Variants in CCDC138 observed in about 807,000 individuals in gnomAD.
CCDC138 encodes coiled-coil domain containing 138.
CCDC138 carries 66 observed loss-of-function variants against 82.3 expected under a neutral mutation model. The ratio of observed to expected loss-of-function variants is 0.80; its 90% CI spans 0.66 to 0.98. The LOEUF (loss-of-function observed/expected upper bound fraction) is 0.98, where lower values mean the gene tolerates loss of function less well. Ranked by LOEUF, CCDC138 falls within the 50% of genes least tolerant of loss-of-function variation. CCDC138 has a pLI of 0.00. For missense variants in CCDC138, 816 were observed against 758.9 expected (o/e 1.08, Z -0.88); for synonymous variants, 297 against 265.4 (o/e 1.12, Z -1.16).
downstream of CCDC138, among the ~76,000 whole-genome samples, chr2:108,877,582 C>G (rs995388278): frequency 1.6e-5 from 2 of 126,784 alleles, no homozygotes; most frequent in African/African-American, 2.6e-5. Flanking sequence ...AAAGGTGTCT[C>G]GGAACTCAGA....
At chr2:108,819,861 G>C (rs1016348188) in intron 10 of CCDC138, among the ~76,000 whole-genome samples, 2 of 81,822 alleles carry the variant, frequency 2.4e-5, no homozygotes, top group African/African-American at 5.4e-5. Flanking sequence ...AAGAAATGCA[G>C]ATCTCTGAAC....
At chr2:108,840,235 A>T (rs1012792033) in intron 11 of CCDC138, among the ~76,000 whole-genome samples, 7 of 152,162 alleles carry the variant, frequency 4.6e-5, no homozygotes, top group Non-Finnish European at 2.9e-5. Context: ...TATATTAACA[A>T]ATTCTATTTG....
intron 10 of CCDC138, among the ~76,000 whole-genome samples, chr2:108,823,331 C>T (rs904853092): frequency 2.0e-5 from 3 of 152,112 alleles, no homozygotes; most frequent in Non-Finnish European, 4.4e-5. Context: ...GACAAAGACG[C>T]AATAAAAAAC....
In CCDC138 at chr2:108,846,921, G is replaced by GT; in HGVS notation, c.1508dup (p.Thr504HisfsTer4). The GT allele has an allele frequency of 1.3e-6, 2 of 1,581,492 alleles. No individual in the cohort carries two copies. The highest frequency in any genetic ancestry group is 8.7e-7 in the Non-Finnish European group (1 of 1,152,768). On this transcript the variant is annotated frameshift_variant, in exon 12 of 15. Coordinates refer to ENST00000295124, the MANE Select transcript of CCDC138 (RefSeq NM_144978.3). LOFTEE classifies it high-confidence loss of function. ...ATCAACCTTAATTGTTCTCAAAACAGTCACTCAAGGTAAGCTTTCAATTGT... is the reference window on the plus strand; with the variant it reads ...ATCAACCTTAATTGTTCTCAAAACAGTTCACTCAAGGTAAGCTTTCAATTGT...
intron 2 of CCDC138, chr2:108,882,922 C>T (rs1696331354): frequency 6.6e-6 from 1 of 151,660 alleles, no homozygotes; most frequent in Non-Finnish European, 1.5e-5. Flanking sequence ...ACCTTGTCTT[C>T]TTTATATAGG....
chr2:108,792,454 T>C (rs1680059209), intron 4 of CCDC138, among the ~76,000 whole-genome samples: 1 of 152,220 alleles, frequency 6.6e-6, no homozygotes, highest in African/African-American at 2.4e-5. Context: ...ATGTTGCTTG[T>C]ATTCCATTAA....
In CCDC138 at chr2:108,871,448, G is replaced by T. The variant is rs1574320717; in HGVS notation, c.1694-2003G>T. On this transcript the variant is annotated intron_variant, in intron 13 of 14. Transcript: ENST00000295124. ...TGTGCCTGTAATCCCAGTTACTCGG[G>T]AGGCAAGGCAGGAGAATCCCTTGAA... Among the ~76,000 whole-genome samples the T allele has an allele frequency of 2.0e-5, 3 of 151,562 alleles. No individual in the cohort carries two copies. In the South Asian group the frequency reaches 6.3e-4, roughly 32 times the overall value.
intron 1 of CCDC138, among the ~76,000 whole-genome samples, chr2:108,787,267 C>T (rs887432948): frequency 6.6e-6 from 1 of 152,194 alleles, no homozygotes; most frequent in Non-Finnish European, 1.5e-5. Context: ...CGGACTTACT[C>T]AAAAGTTGCT....
intron 2 of CCDC138, chr2:108,883,448 T>C (rs982575048): frequency 1.3e-5 from 2 of 152,232 alleles, no homozygotes; most frequent in African/African-American, 4.8e-5. Context: ...CCCTGACATA[T>C]AGATGAGATG....
intron 13 of CCDC138, among the ~76,000 whole-genome samples, chr2:108,871,023 A>G (rs1371562127): frequency 6.6e-6 from 1 of 152,192 alleles, no homozygotes; most frequent in Non-Finnish European, 1.5e-5. Context: ...AACTCAAAAA[A>G]TTGAAATGAA....
intron 6 of CCDC138, among the ~76,000 whole-genome samples, chr2:108,803,631 A>G (rs1682365136): frequency 2.0e-5 from 3 of 152,128 alleles, no homozygotes; most frequent in Admixed American, 2.0e-4. Context: ...CTACTTCTCC[A>G]TGTCTGGGAC....
chr2:108,804,216 A>G (rs1682465012), intron 6 of CCDC138, among the ~76,000 whole-genome samples: 1 of 152,196 alleles, frequency 6.6e-6, no homozygotes, highest in Non-Finnish European at 1.5e-5. Context: ...TTAAAGCTTT[A>G]TAAGTAAGTT....
At chr2:108,825,396 C>CT in intron 10 of CCDC138, among the ~76,000 whole-genome samples, 1 of 151,830 alleles carries the variant, frequency 6.6e-6, no homozygotes, top group Non-Finnish European at 1.5e-5. Context: ...CAACCATCGC[C>CT]TTAATCAGTT....
intron 10 of CCDC138, among the ~76,000 whole-genome samples, chr2:108,830,633 T>A (rs1200408240): frequency 6.6e-6 from 1 of 150,798 alleles, no homozygotes; most frequent in East Asian, 2.0e-4. Flanking sequence ...GTGGTGAAAC[T>A]CTGTCTCTAC....
At chr2:108,843,060 C>G (rs1464687462) in intron 11 of CCDC138, among the ~76,000 whole-genome samples, 1 of 152,106 alleles carries the variant, frequency 6.6e-6, no homozygotes, top group Non-Finnish European at 1.5e-5. Context: ...TTTTTGTTTA[C>G]TATGTTCTTC....
intron 4 of CCDC138, among the ~76,000 whole-genome samples, chr2:108,793,767 T>G (rs1166628323): frequency 6.6e-6 from 1 of 151,916 alleles, no homozygotes; most frequent in African/African-American, 2.4e-5. Context: ...CGGCTAATTT[T>G]TTTTTTTTGT....
chr2:108,821,206 A>C (rs1407046715), intron 10 of CCDC138, among the ~76,000 whole-genome samples: 2 of 152,076 alleles, frequency 1.3e-5, no homozygotes, highest in Non-Finnish European at 2.9e-5. Context: ...AAAAGTATAA[A>C]AATTAGCCAG....
intron 13 of CCDC138, among the ~76,000 whole-genome samples, chr2:108,869,078 T>C (rs893147803): frequency 2.6e-5 from 4 of 152,046 alleles, no homozygotes; most frequent in Non-Finnish European, 5.9e-5. Context: ...TTGTACATGC[T>C]CAAGCAGAGC....
At chr2:108,875,309 T>TA (rs1368090655) in intron 14 of CCDC138, among the ~76,000 whole-genome samples, 3 of 69,800 alleles carry the variant, frequency 4.3e-5, no homozygotes, top group African/African-American at 1.6e-4. Context: ...CCCTAAAACT[T>TA]AAAGTATAAT....
Sources: allele counts gnomAD v4.1 joint callset (sites outside exome capture counted in the v4.1 genomes callset), GRCh38; gene constraint gnomAD v4.1.1; transcripts MANE v1.5; gene names NCBI Gene and HGNC (gene_info 2026-07-23, HGNC 2026-07-21).